COL23A1: variants seen among roughly 807,000 people sequenced by gnomAD.
COL23A1 encodes the protein collagen alpha-1(XXIII) chain.
A neutral mutation model predicts 99.3 loss-of-function variants in COL23A1; 97 were observed. That is an observed-to-expected ratio of 0.98 (90% confidence interval 0.83 to 1.16). COL23A1 has a LOEUF of 1.16. Ranked by LOEUF, COL23A1 falls within the 50% of genes most tolerant of loss-of-function variation. The pLI is 0.00. For synonymous variants in COL23A1, 320 were observed against 308.2 expected (o/e 1.04, Z -0.40); for missense variants, 762 against 757.4 (o/e 1.01, Z -0.07).
At chr5:178,449,862 C>T (rs1042369583) in intron 2 of COL23A1, among the ~76,000 whole-genome samples, 7 of 152,132 alleles carry the variant, frequency 4.6e-5, no homozygotes, top group African/African-American at 7.2e-5. Context: ...CTGGACTTCA[C>T]GCGTTGTGTC....
chr5:178,247,749 A>G (rs778175023), intron 21 of COL23A1, 26 bp downstream of exon 21: 20 of 1,611,592 alleles, frequency 1.2e-5, no homozygotes, highest in Non-Finnish European at 1.7e-5. Context: ...GCTGCTTCAA[A>G]CCAAACCAAA....
At chr5:178,562,700 G>A (rs978016687) in intron 1 of COL23A1, 2 of 150,980 alleles carry the variant, frequency 1.3e-5, no homozygotes, top group Non-Finnish European at 2.9e-5. Context: ...CCCACAAGGT[G>A]AGGGACCCAC....
intron 2 of COL23A1, among the ~76,000 whole-genome samples, chr5:178,547,171 A>G (rs1446442795): frequency 6.6e-6 from 1 of 152,108 alleles, no homozygotes; most frequent in Admixed American, 6.5e-5. Flanking sequence ...CATTTCCGTG[A>G]CACTGAGTGG....
chr5:178,416,463 C>T (rs968680898), intron 2 of COL23A1, among the ~76,000 whole-genome samples: 16 of 152,126 alleles, frequency 1.1e-4, no homozygotes, highest in African/African-American at 3.6e-4. Context: ...GGTCTGGCTG[C>T]TGGGAGTGAG....
rs1561925259 is a variant in COL23A1 at position 178,384,683 on chromosome 5, A to G, written c.362-77764T>C. 6.6e-6 allele frequency among the ~76,000 whole-genome samples: 1 copy of G among 152,190 alleles called. No individual in the cohort carries two copies. The highest frequency in any genetic ancestry group is 1.5e-5 in the Non-Finnish European group (1 of 68,016). On this transcript the variant is annotated intron_variant, in intron 2 of 28. Coordinates refer to ENST00000390654, the MANE Select transcript of COL23A1 (RefSeq NM_173465.4). This position sits in a 1 kb window ranked among gnomAD's most constrained non-coding sequence, Gnocchi z 5.5. ...CTCAGATGCGTCCAGTTTCAGAGCC[A>G]GAAGCCTCCTGGGGGCCTCACCCAC... is the stretch of plus-strand genomic sequence containing the variant.
At chr5:178,429,319 C>T (rs897402204) in intron 2 of COL23A1, among the ~76,000 whole-genome samples, 2 of 152,164 alleles carry the variant, frequency 1.3e-5, no homozygotes, top group African/African-American at 4.8e-5. Flanking sequence ...ACCCCACGAG[C>T]GAAGGGCCCC....
At chr5:178,244,424 A>C (rs1401330199) in intron 25 of COL23A1, among the ~76,000 whole-genome samples, 1 of 152,168 alleles carries the variant, frequency 6.6e-6, no homozygotes, top group Non-Finnish European at 1.5e-5. Context: ...ATTCCACCCC[A>C]GTCCATGGTC....
At chr5:178,260,536 T>C (rs1765571653) in intron 11 of COL23A1, among the ~76,000 whole-genome samples, 1 of 152,200 alleles carries the variant, frequency 6.6e-6, no homozygotes, top group Non-Finnish European at 1.5e-5. Context: ...GGCTCATGCC[T>C]GTAATCCTAG....
At chr5:178,438,322 G>A (rs1766673949) in intron 2 of COL23A1, among the ~76,000 whole-genome samples, 1 of 152,060 alleles carries the variant, frequency 6.6e-6, no homozygotes, top group South Asian at 2.1e-4. Flanking sequence ...CAAACACCTG[G>A]AGGGGGAAAA....
At chr5:178,513,431 TA>T (rs968552125) in intron 2 of COL23A1, among the ~76,000 whole-genome samples, 1 of 152,170 alleles carries the variant, frequency 6.6e-6, no homozygotes, top group Non-Finnish European at 1.5e-5. Flanking sequence ...CCCACTTTTT[TA>T]GTGGCTTAAA....
At chr5:178,267,239 C>T (rs940039248) in intron 8 of COL23A1, 68 bp downstream of exon 8, 13 of 1,538,666 alleles carry the variant, frequency 8.4e-6, no homozygotes, top group Middle Eastern at 3.5e-4. Flanking sequence ...GAAGCAGCGC[C>T]AGTTATGCCT....
At chr5:178,424,456 C>G (rs1156788043) in intron 2 of COL23A1, among the ~76,000 whole-genome samples, 1 of 152,232 alleles carries the variant, frequency 6.6e-6, no homozygotes, top group Non-Finnish European at 1.5e-5. Flanking sequence ...ATGTCCTCTG[C>G]TCTGCTGCTG....
chr5:178,304,936 C>T (rs1317032582), intron 3 of COL23A1, among the ~76,000 whole-genome samples: 1 of 152,130 alleles, frequency 6.6e-6, no homozygotes, highest in Admixed American at 6.5e-5. Flanking sequence ...TCTATCTTTC[C>T]TTGACTTTGA....
intron 1 of COL23A1, chr5:178,562,595 TA>T (rs1260700251): frequency 2.7e-5 from 4 of 150,530 alleles, no homozygotes; most frequent in African/African-American, 9.8e-5. Context: ...TGGAGCCGCC[TA>T]CCTTCCTGGT....
At chr5:178,501,565 G>A (rs1758535257) in intron 2 of COL23A1, among the ~76,000 whole-genome samples, 1 of 149,770 alleles carries the variant, frequency 6.7e-6, no homozygotes, top group South Asian at 2.1e-4. Flanking sequence ...ACAGAGAAAG[G>A]CTCTGTCTCA....
intron 2 of COL23A1, among the ~76,000 whole-genome samples, chr5:178,390,783 C>T (rs1763923589): frequency 6.6e-6 from 1 of 152,206 alleles, no homozygotes; most frequent in African/African-American, 2.4e-5. Flanking sequence ...GAAATTAACT[C>T]CAGGTGGATC....
chr5:178,527,343 C>A (rs2113155215), intron 2 of COL23A1, among the ~76,000 whole-genome samples: 1 of 152,336 alleles, frequency 6.6e-6, no homozygotes, highest in South Asian at 2.1e-4. Context: ...ACCGTCCCTG[C>A]AGCCTCCTGA....
At chr5:178,464,679 A>C (rs2127912026) in intron 2 of COL23A1, among the ~76,000 whole-genome samples, 1 of 152,356 alleles carries the variant, frequency 6.6e-6, no homozygotes, top group Non-Finnish European at 1.5e-5. Flanking sequence ...TAAACAATAG[A>C]AAAAGCTGGA....
At chr5:178,462,577 T>A (rs1200939377) in intron 2 of COL23A1, among the ~76,000 whole-genome samples, 1 of 152,258 alleles carries the variant, frequency 6.6e-6, no homozygotes, top group Non-Finnish European at 1.5e-5. Flanking sequence ...ATTACTATTG[T>A]TGTGCTATTC....
Sources: allele counts gnomAD v4.1 joint callset (sites outside exome capture counted in the v4.1 genomes callset), GRCh38; gene constraint gnomAD v4.1.1; non-coding constraint Gnocchi (gnomAD v3.1); transcripts MANE v1.5; gene names NCBI Gene and HGNC (gene_info 2026-07-23, HGNC 2026-07-21).